Variants in STARD8 observed in about 807,000 individuals in gnomAD.
The protein encoded by STARD8 is stAR-related lipid transfer protein 8.
Under a neutral mutation model 69.4 loss-of-function variants are expected in STARD8, and 25 were observed. The ratio of observed to expected loss-of-function variants is 0.36; its 90% CI spans 0.26 to 0.50. The LOEUF (loss-of-function observed/expected upper bound fraction) is 0.50. Among genes scored for constraint, STARD8 ranks in the 20% least tolerant of loss-of-function variants. The pLI is 0.96. For missense variants in STARD8, 921 were observed against 932.5 expected, an observed-to-expected ratio of 0.99 and a Z score of 0.16; for synonymous variants, 389 against 374.6, an observed-to-expected ratio of 1.04 and a Z score of -0.45.
intron 1 of STARD8, among the ~76,000 whole-genome samples, chrX:68,662,620 G>T (rs2079658685): frequency 9.0e-6 from 1 of 111,602 alleles, no homozygotes; most frequent in Non-Finnish European, 1.9e-5. Context: ...CAAACCACAG[G>T]CTTTGATACA....
At chrX:68,679,838 T>C (rs978183960) in intron 2 of STARD8, among the ~76,000 whole-genome samples, 1 of 111,909 alleles carries the variant, frequency 8.9e-6, no homozygotes, top group East Asian at 2.8e-4. Context: ...GCTCCTGGCC[T>C]GAGCTGGCAT....
intron 2 of STARD8, among the ~76,000 whole-genome samples, chrX:68,708,960 G>A (rs1014885587): frequency 4.5e-5 from 5 of 110,970 alleles, no homozygotes; most frequent in Non-Finnish European, 7.6e-5. Flanking sequence ...CTGGGGGTGG[G>A]GGTGGGGTCG....
At chrX:68,721,427 A>T in intron 9 of STARD8, 109 bp from the exon 10 acceptor site, 3 of 845,249 alleles carry the variant, frequency 3.5e-6, no homozygotes, top group South Asian at 5.0e-5. Flanking sequence ...CTTCCCTCTC[A>T]CCGCTCCCCT....
At chrX:68,669,765 G>A (rs2079717021) in intron 2 of STARD8, among the ~76,000 whole-genome samples, 1 of 112,354 alleles carries the variant, frequency 8.9e-6, no homozygotes, top group African/African-American at 3.2e-5. Flanking sequence ...AGCTCTGAGG[G>A]GGCGGGGAGA....
intron 1 of STARD8, among the ~76,000 whole-genome samples, chrX:68,653,046 TCACACACCACACACACCACACAC>T (rs2079569676): frequency 3.5e-4 from 1 of 2,840 alleles, no homozygotes; most frequent in Non-Finnish European, 5.8e-4. Context: ...CACACACACA[TCACACACCACACACACCACACAC>T]CACACACACA....
chrX:68,655,496 A>C (rs1255780665), intron 1 of STARD8, among the ~76,000 whole-genome samples: 3 of 111,868 alleles, frequency 2.7e-5, no homozygotes, highest in African/African-American at 9.8e-5. Flanking sequence ...GGCCCCCTAT[A>C]TGTGTGAAAA....
At position 68,657,350 on chromosome X, in the gene STARD8, T is replaced by G. The variant is rs186393398; in HGVS notation, c.46-8149T>G. On this transcript the variant is annotated intron_variant, in intron 1 of 14. Transcript: ENST00000374599. The stretch of plus-strand genomic sequence containing the variant: ...TTAAGTAATTCATTCTTTCACTAGT[T>G]CAACCAAGCAATATTTATTCAGGGC... Among the ~76,000 whole-genome samples, 861 of 111,673 alleles carry G rather than the reference T, an allele frequency of 7.7e-3. 6 individuals are homozygous for G. Among genetic ancestry groups the G allele is most frequent in the Non-Finnish European group, 0.013 (688 of 53,148 alleles).
At chrX:68,702,284 G>A (rs1262700448) in intron 2 of STARD8, among the ~76,000 whole-genome samples, 1 of 112,197 alleles carries the variant, frequency 8.9e-6, no homozygotes, top group African/African-American at 3.2e-5. Context: ...GATTCTAAAG[G>A]GAGAGCCGAG....
At chrX:68,702,408 A>G (rs1569365523) in intron 2 of STARD8, among the ~76,000 whole-genome samples, 1 of 111,867 alleles carries the variant, frequency 8.9e-6, no homozygotes, top group Non-Finnish European at 1.9e-5. Context: ...CAGTTTTCCC[A>G]TTTGTACCAT....
At chrX:68,693,348 T>C (rs2079890830) in intron 2 of STARD8, among the ~76,000 whole-genome samples, 1 of 112,641 alleles carries the variant, frequency 8.9e-6, no homozygotes, top group Non-Finnish European at 1.9e-5. Flanking sequence ...TGTGTTTAAA[T>C]CCCCCAAACA....
chrX:68,699,660 C>T (rs561469748), intron 2 of STARD8, among the ~76,000 whole-genome samples: 11 of 111,793 alleles, frequency 9.8e-5, no homozygotes, highest in African/African-American at 3.3e-4. Flanking sequence ...CCTCTGTCCT[C>T]CCTACATGCT....
intron 1 of STARD8, among the ~76,000 whole-genome samples, chrX:68,653,155 A>C (rs2079575201): frequency 1.9e-3 from 8 of 4,231 alleles, no homozygotes; most frequent in Admixed American, 3.0e-3. Flanking sequence ...ACACCACACC[A>C]AACACACACA....
intron 2 of STARD8, among the ~76,000 whole-genome samples, chrX:68,704,167 T>C (rs2079987440): frequency 8.9e-6 from 1 of 111,889 alleles, no homozygotes; most frequent in Middle Eastern, 4.2e-3. Flanking sequence ...TAGACTCACA[T>C]GCTGCTGAGA....
chrX:68,717,783 A>C lies in STARD8; in HGVS notation c.869A>C (p.Gln290Pro), dbSNP rs1474617183. The change falls in exon 6 of 15, where the codon CAG (glutamine) becomes CCG (proline). Residue 290 changes from glutamine (Q) to proline (P), a missense_variant. Gln to Pro is a moderately conservative substitution (Grantham distance 76). Transcript: ENST00000374599. ...CCTGTGGCCTCGTTCCGGCATCCTC[A>C]GTGGACACACCGGGGTGATTGCCTG... Reference protein sequence around the residue: ...AWPVASFRHPQWTHRGDCLVH... With the variant: ...AWPVASFRHPPWTHRGDCLVH... 8.3e-7 allele frequency: 1 copy of C among 1,211,907 alleles called. No homozygotes were observed. The highest frequency in any genetic ancestry group is 1.1e-6 in the Non-Finnish European group (1 of 895,493).
chrX:68,688,251 G>A (rs1320725943), intron 2 of STARD8, among the ~76,000 whole-genome samples: 2 of 111,749 alleles, frequency 1.8e-5, no homozygotes, highest in African/African-American at 3.3e-5. Context: ...TGCCCTCTCC[G>A]ATGTCATCCT....
At chrX:68,699,550 G>T (rs1454592011) in intron 2 of STARD8, among the ~76,000 whole-genome samples, 1 of 111,216 alleles carries the variant, frequency 9.0e-6, no homozygotes, top group Non-Finnish European at 1.9e-5. Flanking sequence ...TCTGAGGATG[G>T]AACCCAAGTG....
At chrX:68,657,025 T>A (rs750414032) in intron 1 of STARD8, among the ~76,000 whole-genome samples, 4 of 112,112 alleles carry the variant, frequency 3.6e-5, no homozygotes, top group Non-Finnish European at 1.9e-5. Context: ...GAAAAAAAGT[T>A]ACTTCGCCTT....
chrX:68,723,770 C>T lies in STARD8; in HGVS notation c.2944C>T (p.Pro982Ser). 1 of 1,180,214 alleles carries T rather than the reference C, an allele frequency of 8.5e-7. No homozygotes were observed. Among genetic ancestry groups the T allele is most frequent in the Non-Finnish European group, 1.1e-6 (1 of 879,541 alleles). Residue 982 changes from proline to serine, a missense_variant, in exon 13 of 15, where the codon CCG becomes TCG. Pro to Ser is a moderately conservative substitution (Grantham distance 74, BLOSUM62 -1). Transcript: ENST00000374599. ...LRAQVLEALM[P>S]GVELYHYVTD... Reference sequence around the variant, plus strand: ...GGCCCAGGTGCTGGAAGCCCTGATGCCGGGTGTGGAGCTGTACCACTATGT... The same window carrying T: ...GGCCCAGGTGCTGGAAGCCCTGATGTCGGGTGTGGAGCTGTACCACTATGT...
chrX:68,663,569 C>A (rs1488373640), intron 1 of STARD8, among the ~76,000 whole-genome samples: 1 of 111,741 alleles, frequency 8.9e-6, no homozygotes, highest in Non-Finnish European at 1.9e-5. Flanking sequence ...ATGGGTTAGG[C>A]TGGTGGAGTG....
Sources: allele counts gnomAD v4.1 joint callset (sites outside exome capture counted in the v4.1 genomes callset), GRCh38; gene constraint gnomAD v4.1.1; transcripts MANE v1.5; gene names NCBI Gene and HGNC (gene_info 2026-07-23, HGNC 2026-07-21).